Variants in SPATA6 observed in about 807,000 individuals in gnomAD.
SPATA6 encodes the protein spermatogenesis associated 6.
A neutral mutation model predicts 65.3 loss-of-function variants in SPATA6; 56 were observed. The observed-to-expected ratio is 0.86, with a 90% CI of 0.69 to 1.07. SPATA6 has a LOEUF of 1.07. SPATA6 is among the 50% of genes least tolerant of loss of function. The probability of loss-of-function intolerance (pLI) is 0.00; values close to 1 mark genes in which losing one functional copy is unlikely to be tolerated. For missense variants in SPATA6, 590 were observed against 594.8 expected (o/e 0.99, Z 0.08); for synonymous variants, 199 against 213.2 (o/e 0.93, Z 0.58).
intron 9 of SPATA6, among the ~76,000 whole-genome samples, chr1:48,360,376 T>C (rs1315596056): frequency 2.0e-5 from 3 of 151,912 alleles, no homozygotes; most frequent in African/African-American, 7.3e-5. Context: ...TGCTGATGGG[T>C]GCGATGGAAA....
Position 48,302,360 on chromosome 1 carries a change from C to T in SPATA6, c.1286+3427G>A, listed in dbSNP as rs573617455. Among the ~76,000 whole-genome samples, 16 of 152,268 alleles carry T rather than the reference C, an allele frequency of 1.1e-4. No individual in the cohort carries two copies. The South Asian group carries it at 1.2e-3, about 12-fold the overall frequency. ...AACAGGTATTTTTTCAACCCCATCCCGCCTTTTAGAATCTCCACACCTTCC... is the reference window on the plus strand; with the variant it reads ...AACAGGTATTTTTTCAACCCCATCCTGCCTTTTAGAATCTCCACACCTTCC... On this transcript the variant is annotated intron_variant, in intron 12 of 12. Coordinates refer to ENST00000371847, the MANE Select transcript of SPATA6 (RefSeq NM_019073.4).
chr1:48,318,572 T>C (rs950024386), intron 11 of SPATA6, among the ~76,000 whole-genome samples: 4 of 152,150 alleles, frequency 2.6e-5, no homozygotes, highest in Non-Finnish European at 4.4e-5. Flanking sequence ...GATTTTTTAA[T>C]GGCTTAAAAT....
chr1:48,455,589 C>A (rs747848059), intron 1 of SPATA6, among the ~76,000 whole-genome samples: 1 of 152,086 alleles, frequency 6.6e-6, no homozygotes, highest in Non-Finnish European at 1.5e-5. Flanking sequence ...ACCGTGTTAG[C>A]CAGGACGGTC....
chr1:48,305,578 T>C (rs945094363), intron 12 of SPATA6, among the ~76,000 whole-genome samples: 1 of 152,090 alleles, frequency 6.6e-6, no homozygotes, highest in African/African-American at 2.4e-5. Context: ...AAATCTTAAG[T>C]AGGATGAAGG....
At chr1:48,458,677 A>G (rs9436626) in intron 1 of SPATA6, among the ~76,000 whole-genome samples, 3,546 of 152,344 alleles carry the variant, frequency 0.023, 39 homozygotes, top group South Asian at 0.06. Flanking sequence ...TAAGTAAAAA[A>G]AAGTAAGATA....
intron 9 of SPATA6, among the ~76,000 whole-genome samples, chr1:48,371,292 T>C (rs1253107850): frequency 2.0e-5 from 3 of 152,016 alleles, no homozygotes; most frequent in African/African-American, 7.2e-5. Flanking sequence ...GATAGATAGA[T>C]AGATAGATAG....
intron 1 of SPATA6, among the ~76,000 whole-genome samples, chr1:48,458,773 G>A (rs1343699377): frequency 1.3e-5 from 2 of 152,172 alleles, no homozygotes; most frequent in African/African-American, 2.4e-5. Flanking sequence ...TCCAGGGGCT[G>A]GTGGGAGAGG....
At chr1:48,394,720 T>C (rs1455173208) in intron 8 of SPATA6, among the ~76,000 whole-genome samples, 1 of 152,032 alleles carries the variant, frequency 6.6e-6, no homozygotes, top group East Asian at 1.9e-4. Flanking sequence ...ATGTAGTAAA[T>C]TAACTTTAAA....
intron 3 of SPATA6, among the ~76,000 whole-genome samples, chr1:48,422,666 A>G (rs139256765): frequency 2.6e-5 from 4 of 152,278 alleles, no homozygotes; most frequent in African/African-American, 9.6e-5. Flanking sequence ...TAAAAAGCAA[A>G]CATAAAGCCT....
intron 8 of SPATA6, among the ~76,000 whole-genome samples, chr1:48,393,594 T>C (rs1650283089): frequency 6.6e-6 from 1 of 152,202 alleles, no homozygotes; most frequent in African/African-American, 2.4e-5. Flanking sequence ...ATCTGCTATA[T>C]TGTTAATTAA....
Position 48,459,976 on chromosome 1 carries a change from A to ATT in SPATA6, c.52-6847_52-6846dup, listed in dbSNP as rs34243825. ...AAAATTTGTGGGATGTAATTAAGTC[A>ATT]TTTTTTTTTTAAGATATGAGGTGTT... On this transcript the variant is annotated intron_variant, in intron 1 of 12. Transcript: ENST00000371847. 1.2e-4 allele frequency among the ~76,000 whole-genome samples: 18 copies of ATT among 150,036 alleles called. No individual in the cohort carries two copies. In the South Asian group the frequency reaches 3.8e-3, roughly 32 times the overall value.
intron 11 of SPATA6, among the ~76,000 whole-genome samples, chr1:48,334,777 T>C (rs188618188): frequency 1.3e-5 from 2 of 152,224 alleles, no homozygotes; most frequent in African/African-American, 2.4e-5. Context: ...TTTTAAGTCC[T>C]GGCCAGGGCA....
chr1:48,407,766 C>T (rs1651843983), intron 5 of SPATA6, among the ~76,000 whole-genome samples: 1 of 152,204 alleles, frequency 6.6e-6, no homozygotes, highest in Non-Finnish European at 1.5e-5. Flanking sequence ...TCTCTTCAAA[C>T]TGCCATTCGT....
chr1:48,315,847 G>C (rs1645398184), intron 11 of SPATA6, among the ~76,000 whole-genome samples: 1 of 152,096 alleles, frequency 6.6e-6, no homozygotes, highest in Admixed American at 6.6e-5. Context: ...CAAAGTTTCA[G>C]GATACAAAAT....
At chr1:48,338,532 A>AG (rs1311611249) in intron 11 of SPATA6, among the ~76,000 whole-genome samples, 1 of 152,048 alleles carries the variant, frequency 6.6e-6, no homozygotes, top group Non-Finnish European at 1.5e-5. Flanking sequence ...GAGACTATAA[A>AG]GGCTTTTAAC....
chr1:48,280,251 C>T, the SPATA6 span, among the ~76,000 whole-genome samples: 1 of 151,816 alleles, frequency 6.6e-6, no homozygotes, highest in African/African-American at 2.4e-5. Context: ...AAATTGACAC[C>T]CTAACATCAC....
chr1:48,394,697 T>C (rs1016679116), intron 8 of SPATA6, among the ~76,000 whole-genome samples: 1 of 152,046 alleles, frequency 6.6e-6, no homozygotes. Context: ...TCTTCCTCTA[T>C]GACTTTCTCA....
chr1:48,273,187 A>C, the SPATA6 span, among the ~76,000 whole-genome samples: 1 of 152,158 alleles, frequency 6.6e-6, no homozygotes, highest in Non-Finnish European at 1.5e-5. Context: ...TATTATTGCC[A>C]AGACCAATTT....
chr1:48,287,783 G>T, the SPATA6 span, among the ~76,000 whole-genome samples: 19 of 152,282 alleles, frequency 1.2e-4, no homozygotes, highest in Middle Eastern at 3.4e-3. Flanking sequence ...CCAATCTCAG[G>T]TATTTCTTTA....
Sources: allele counts gnomAD v4.1 joint callset (sites outside exome capture counted in the v4.1 genomes callset), GRCh38; gene constraint gnomAD v4.1.1; transcripts MANE v1.5; gene names NCBI Gene and HGNC (gene_info 2026-07-23, HGNC 2026-07-21).